The following DOK6 variants were observed in gnomAD, a reference collection of about 807,000 sequenced individuals.
DOK6 encodes docking protein 6.
Under a neutral mutation model 44.0 loss-of-function variants are expected in DOK6, and 22 were observed. The ratio of observed to expected loss-of-function variants is 0.50; its 90% CI spans 0.36 to 0.71. The LOEUF (loss-of-function observed/expected upper bound fraction) is 0.71, where lower values mean the gene tolerates loss of function less well. DOK6 is among the 30% of genes least tolerant of loss of function. DOK6 has a pLI of 0.00. For synonymous variants in DOK6, 166 were observed against 145.5 expected (o/e 1.14, Z -1.01); for missense variants, 340 against 416.4 (o/e 0.82, Z 1.60).
intron 2 of DOK6, among the ~76,000 whole-genome samples, chr18:69,571,935 ACTTT>A (rs1330748154): frequency 6.6e-6 from 1 of 152,102 alleles, no homozygotes; most frequent in Non-Finnish European, 1.5e-5. Flanking sequence ...AATAAAGGTT[ACTTT>A]CAAGTTCACA....
chr18:69,423,751 A>G (rs1477514557), intron 1 of DOK6, among the ~76,000 whole-genome samples: 4 of 152,216 alleles, frequency 2.6e-5, no homozygotes, highest in Non-Finnish European at 5.9e-5. Context: ...AGATTTTTCC[A>G]GTTATGAAAT....
At chr18:69,519,839 A>G (rs942056849) in intron 1 of DOK6, among the ~76,000 whole-genome samples, 1 of 151,922 alleles carries the variant, frequency 6.6e-6, no homozygotes, top group Non-Finnish European at 1.5e-5. Flanking sequence ...ATTAATACTC[A>G]TAACTGTATT....
intron 1 of DOK6, among the ~76,000 whole-genome samples, chr18:69,446,033 T>C (rs941127617): frequency 1.3e-5 from 2 of 149,064 alleles, no homozygotes; most frequent in African/African-American, 2.5e-5. Context: ...ATAGTATTTA[T>C]ATTTCTTTTT....
intron 3 of DOK6, chr18:69,662,816 T>A (rs529305564): frequency 1.3e-5 from 2 of 152,340 alleles, no homozygotes; most frequent in East Asian, 3.9e-4. Context: ...GAAACTGATC[T>A]TCAAGCCAAG....
At chr18:69,712,276 G>A (rs1250758203) in intron 5 of DOK6, among the ~76,000 whole-genome samples, 7 of 56,034 alleles carry the variant, frequency 1.2e-4, no homozygotes, top group South Asian at 8.1e-4. Context: ...GCGAGACTCC[G>A]TCTCAAAAAA....
At chr18:69,779,475 CACAA>C in intron 7 of DOK6, among the ~76,000 whole-genome samples, 1 of 150,926 alleles carries the variant, frequency 6.6e-6, no homozygotes, top group South Asian at 2.1e-4. Flanking sequence ...CACACACACA[CACAA>C]ACAGTATGTT....
intron 2 of DOK6, among the ~76,000 whole-genome samples, chr18:69,580,822 A>G (rs113666233): frequency 0.034 from 5,164 of 152,182 alleles, 272 homozygotes; most frequent in African/African-American, 0.12. Context: ...ACAACTTCTC[A>G]ATATTCCCCA....
At chr18:69,445,533 T>G (rs72957411) in intron 1 of DOK6, among the ~76,000 whole-genome samples, 11,191 of 151,906 alleles carry the variant, frequency 0.074, 521 homozygotes, top group Non-Finnish European at 0.1. Context: ...ATGCTTTTTT[T>G]GGGGGGGGAT....
chr18:69,725,259 T>C (rs1226356840), intron 5 of DOK6, among the ~76,000 whole-genome samples: 1 of 152,184 alleles, frequency 6.6e-6, no homozygotes, highest in Non-Finnish European at 1.5e-5. Context: ...TGCAGTCACA[T>C]ACTTGGCTGG....
At chr18:69,428,423 A>T (rs1252677981) in intron 1 of DOK6, among the ~76,000 whole-genome samples, 1 of 152,060 alleles carries the variant, frequency 6.6e-6, no homozygotes, top group Admixed American at 6.5e-5. Context: ...AGATATTTAA[A>T]TTCTTACTAC....
At chr18:69,796,541 T>C (rs972221239) in intron 7 of DOK6, among the ~76,000 whole-genome samples, 7 of 152,196 alleles carry the variant, frequency 4.6e-5, no homozygotes, top group Non-Finnish European at 1.0e-4. Flanking sequence ...AAACCTATCC[T>C]TAAAAATAGA....
At chr18:69,594,087 G>A (rs1330941503) in intron 2 of DOK6, among the ~76,000 whole-genome samples, 1 of 151,922 alleles carries the variant, frequency 6.6e-6, no homozygotes, top group African/African-American at 2.4e-5. Context: ...ACGATTTAAT[G>A]TGCTTAAAAT....
chr18:69,803,646 G>A (rs1321811497), intron 7 of DOK6, among the ~76,000 whole-genome samples: 2 of 152,110 alleles, frequency 1.3e-5, no homozygotes, highest in East Asian at 3.9e-4. Context: ...GGTGGATCAC[G>A]AGGTCAGAGA....
chr18:69,669,838 T>C (rs953848693), intron 3 of DOK6, among the ~76,000 whole-genome samples: 2 of 152,228 alleles, frequency 1.3e-5, no homozygotes, highest in African/African-American at 4.8e-5. Flanking sequence ...TATATATTTC[T>C]CATTGCTTTC....
At chr18:69,428,454 T>G (rs1306659607) in intron 1 of DOK6, among the ~76,000 whole-genome samples, 1 of 152,008 alleles carries the variant, frequency 6.6e-6, no homozygotes, top group Non-Finnish European at 1.5e-5. Context: ...TCAAGAAAGA[T>G]TTCTTCTTTA....
At chr18:69,597,453 C>T (rs1478687624) in intron 2 of DOK6, among the ~76,000 whole-genome samples, 1 of 152,162 alleles carries the variant, frequency 6.6e-6, no homozygotes, top group Admixed American at 6.5e-5. Flanking sequence ...TAATAATGAA[C>T]TTAGGGCAAA....
Position 69,401,117 on chromosome 18 carries a change from G to T in DOK6, c.-128G>T. The T allele has an allele frequency of 1.1e-6, 1 of 933,818 alleles. No homozygotes were observed. Among genetic ancestry groups the T allele is most frequent in the Non-Finnish European group, 1.4e-6 (1 of 701,776 alleles). 57.8% of individuals were successfully genotyped at this position (933,818 alleles called of 1,614,324 possible). Reference sequence around the variant, plus strand: ...TCCCCACCGGCGGGAGCTCGGGGAAGAGCGGGCGGCGGCGCTGCTGCTGGC... The same window carrying T: ...TCCCCACCGGCGGGAGCTCGGGGAATAGCGGGCGGCGGCGCTGCTGCTGGC... On this transcript the variant is annotated 5_prime_UTR_variant, in exon 1 of 8. Coordinates refer to ENST00000382713, the MANE Select transcript of DOK6 (RefSeq NM_152721.6).
At chr18:69,678,478 T>C (rs1985974605) in intron 4 of DOK6, among the ~76,000 whole-genome samples, 1 of 152,220 alleles carries the variant, frequency 6.6e-6, no homozygotes, top group South Asian at 2.1e-4. Context: ...ATTTAGAGTC[T>C]ATATTAACAG....
chr18:69,723,939 T>TG (rs1229301218), intron 5 of DOK6, among the ~76,000 whole-genome samples: 1 of 152,234 alleles, frequency 6.6e-6, no homozygotes, highest in Non-Finnish European at 1.5e-5. Context: ...CAGGGTATCC[T>TG]GTCCACTGCT....
Sources: allele counts gnomAD v4.1 joint callset (sites outside exome capture counted in the v4.1 genomes callset), GRCh38; gene constraint gnomAD v4.1.1; transcripts MANE v1.5; gene names NCBI Gene and HGNC (gene_info 2026-07-23, HGNC 2026-07-21).